PCDH7: variants seen among roughly 807,000 people sequenced by gnomAD.
The protein encoded by PCDH7 is protocadherin-7.
Under a neutral mutation model 58.9 loss-of-function variants are expected in PCDH7, and 17 were observed. That is an observed-to-expected ratio of 0.29 (90% CI 0.20 to 0.43). The LOEUF (loss-of-function observed/expected upper bound fraction) is 0.43. PCDH7 is among the 20% of genes least tolerant of loss of function. PCDH7 has a pLI of 1.00. For synonymous variants in PCDH7, 664 were observed against 616.4 expected (o/e 1.08, Z -1.14); for missense variants, 1,274 against 1,441.0 (o/e 0.88, Z 1.88).
At chr4:30,819,726 T>G (rs577925427) in intron 1 of PCDH7, among the ~76,000 whole-genome samples, 1 of 152,236 alleles carries the variant, frequency 6.6e-6, no homozygotes, top group East Asian at 1.9e-4. Context: ...TGTAAGAAGG[T>G]GTGGTGAACA....
intron 1 of PCDH7, among the ~76,000 whole-genome samples, chr4:30,811,067 G>C (rs1214037171): frequency 2.6e-5 from 4 of 152,088 alleles, no homozygotes; most frequent in African/African-American, 9.7e-5. Context: ...TTACCATGAC[G>C]GATTATTGCT....
At chr4:31,039,640 A>C (rs913827722) in intron 3 of PCDH7, among the ~76,000 whole-genome samples, 1 of 152,160 alleles carries the variant, frequency 6.6e-6, no homozygotes, top group African/African-American at 2.4e-5. Context: ...ACTAACCCCT[A>C]TTCTGATCTC....
At chr4:30,893,321 G>A (rs182684707) in intron 1 of PCDH7, among the ~76,000 whole-genome samples, 1 of 152,140 alleles carries the variant, frequency 6.6e-6, no homozygotes, top group East Asian at 1.9e-4. Context: ...AACTTAATAA[G>A]TAGGTTTAGT....
chr4:30,765,011 G>C (rs184895783), intron 1 of PCDH7, among the ~76,000 whole-genome samples: 1 of 151,420 alleles, frequency 6.6e-6, no homozygotes, highest in African/African-American at 2.4e-5. Context: ...GAGCCACCGC[G>C]CCCTGCCTGG....
chr4:31,102,689 AT>A (rs1284001565), intron 3 of PCDH7, among the ~76,000 whole-genome samples: 3 of 151,974 alleles, frequency 2.0e-5, no homozygotes, highest in Non-Finnish European at 1.5e-5. Flanking sequence ...AAAAAAAAAA[AT>A]CTTATGAAAG....
At chr4:30,857,526 G>C (rs1157094295) in intron 1 of PCDH7, among the ~76,000 whole-genome samples, 1 of 152,074 alleles carries the variant, frequency 6.6e-6, no homozygotes, top group Admixed American at 6.6e-5. Context: ...TGTAAGTAAA[G>C]CTCGTCTGGG....
At chr4:30,750,526 T>C (rs1718368721) in intron 1 of PCDH7, among the ~76,000 whole-genome samples, 1 of 152,142 alleles carries the variant, frequency 6.6e-6, no homozygotes, top group East Asian at 1.9e-4. Flanking sequence ...ATGATGTCTG[T>C]GGCGAGGTTC....
chr4:30,817,402 T>G (rs1379267032), intron 1 of PCDH7, among the ~76,000 whole-genome samples: 1 of 152,232 alleles, frequency 6.6e-6, no homozygotes, highest in African/African-American at 2.4e-5. Context: ...GATTTTAGTT[T>G]AATTATTAGT....
At chr4:30,961,342 A>G (rs1748410319) in intron 3 of PCDH7, among the ~76,000 whole-genome samples, 2 of 151,882 alleles carry the variant, frequency 1.3e-5, no homozygotes, top group South Asian at 2.1e-4. Flanking sequence ...CAGGACATCA[A>G]CACCATCCTG....
chr4:30,739,675 T>C (rs138854606), intron 1 of PCDH7, among the ~76,000 whole-genome samples: 34 of 152,290 alleles, frequency 2.2e-4, no homozygotes, highest in Non-Finnish European at 4.3e-4. Context: ...AATGTATGTG[T>C]GTATGTATTT....
At chr4:30,973,495 A>G (rs1749784776) in intron 3 of PCDH7, among the ~76,000 whole-genome samples, 1 of 152,214 alleles carries the variant, frequency 6.6e-6, no homozygotes, top group East Asian at 1.9e-4. Flanking sequence ...AGATTGTTTT[A>G]TTTACATTCG....
At chr4:30,854,488 T>C (rs914282499) in intron 1 of PCDH7, among the ~76,000 whole-genome samples, 2 of 151,794 alleles carry the variant, frequency 1.3e-5, no homozygotes, top group African/African-American at 4.8e-5. Flanking sequence ...TCCCGTATCA[T>C]ATTTCAACTT....
chr4:31,072,674 T>C (rs1758651605), intron 3 of PCDH7, among the ~76,000 whole-genome samples: 1 of 152,086 alleles, frequency 6.6e-6, no homozygotes, highest in Non-Finnish European at 1.5e-5. Context: ...CACAGAGTTG[T>C]GTTATCTCAA....
intron 1 of PCDH7, among the ~76,000 whole-genome samples, chr4:30,756,484 T>C (rs1481053737): frequency 1.3e-5 from 2 of 152,180 alleles, no homozygotes; most frequent in African/African-American, 4.8e-5. Flanking sequence ...TAATGGAACT[T>C]GAATCCTTAA....
At chr4:30,933,844 A>C (rs917017968) in intron 2 of PCDH7, among the ~76,000 whole-genome samples, 1 of 152,236 alleles carries the variant, frequency 6.6e-6, no homozygotes. Context: ...CACCTAAAAC[A>C]AGCTCAATCT....
downstream of PCDH7, chr4:31,146,527 T>TG (rs1192844313): frequency 6.6e-6 from 1 of 152,062 alleles, no homozygotes; most frequent in Admixed American, 6.6e-5. Flanking sequence ...TTAAAGCACT[T>TG]GCGTTCAGTG....
At chr4:30,872,019 G>C (rs1368545427) in intron 1 of PCDH7, among the ~76,000 whole-genome samples, 1 of 151,910 alleles carries the variant, frequency 6.6e-6, no homozygotes, top group Non-Finnish European at 1.5e-5. Context: ...AATCTCCTCT[G>C]GCCTTTATTA....
At chr4:31,132,087 C>T (rs1294296363) in intron 3 of PCDH7, among the ~76,000 whole-genome samples, 2 of 152,056 alleles carry the variant, frequency 1.3e-5, no homozygotes, top group African/African-American at 4.8e-5. Flanking sequence ...TGTAGTGATA[C>T]TTTCTTTCTT....
In PCDH7 at chr4:30,722,286, C is replaced by A. The variant is rs769165960; in HGVS notation, c.864C>A (p.Arg288=). ...TGCGCGACGGCGGCGACCCGCCTCG[C>A]TCCTCGCAGGCCATCCTACGGGTCC... The change falls in exon 1 of 2, where the codon CGC becomes CGA. Residue 288 remains arginine, a synonymous_variant. Coordinates refer to ENST00000361762, the Ensembl canonical transcript of PCDH7. The surrounding 1 kb of genome is among the most constrained non-coding windows in gnomAD (Gnocchi z 7.6). 27 of 1,603,960 alleles carry A rather than the reference C, an allele frequency of 1.7e-5. No individual in the cohort carries two copies. The highest frequency in any genetic ancestry group is 2.2e-5 in the Non-Finnish European group (26 of 1,176,388).
Sources: gnomAD v4.1 joint callset for allele counts (sites outside exome capture counted in the v4.1 genomes callset) on GRCh38, gnomAD v4.1.1 for gene constraint, Gnocchi (gnomAD v3.1) non-coding constraint, MANE v1.5 for transcripts, NCBI Gene and HGNC (gene_info 2026-07-23, HGNC 2026-07-21) for gene names.